The following GPC6 variants were observed in gnomAD, a reference collection of about 807,000 sequenced individuals.
GPC6 encodes the protein glypican-6.
A neutral mutation model predicts 55.2 loss-of-function variants in GPC6; 14 were observed. The observed-to-expected ratio is 0.25, with a 90% CI of 0.17 to 0.40. The LOEUF (loss-of-function observed/expected upper bound fraction) is 0.40, where lower values mean the gene tolerates loss of function less well. Ranked by LOEUF, GPC6 falls within the 10% of genes least tolerant of loss-of-function variation. The pLI is 1.00. For missense variants in GPC6, 641 were observed against 708.5 expected, an observed-to-expected ratio of 0.90 and a Z score of 1.08; for synonymous variants, 278 against 259.6, an observed-to-expected ratio of 1.07 and a Z score of -0.68.
intron 1 of GPC6, among the ~76,000 whole-genome samples, chr13:93,449,623 T>A (rs917327724): frequency 6.6e-6 from 1 of 151,906 alleles, no homozygotes; most frequent in Non-Finnish European, 1.5e-5. Context: ...AGGTCAGGAG[T>A]TCGAAACCAG....
chr13:93,286,300 G>C (rs1878122170), intron 1 of GPC6, among the ~76,000 whole-genome samples: 1 of 152,184 alleles, frequency 6.6e-6, no homozygotes, highest in Non-Finnish European at 1.5e-5. Context: ...ACGATTCAGT[G>C]ATCTCCACCT....
chr13:93,674,550 GA>G (rs1469910921), intron 2 of GPC6, among the ~76,000 whole-genome samples: 1 of 152,176 alleles, frequency 6.6e-6, no homozygotes, highest in African/African-American at 2.4e-5. Flanking sequence ...CATCTTGGGT[GA>G]AATACATTTG....
At chr13:94,103,745 T>C (rs958320031) in intron 4 of GPC6, among the ~76,000 whole-genome samples, 21 of 152,208 alleles carry the variant, frequency 1.4e-4, no homozygotes, top group Non-Finnish European at 1.9e-4. Context: ...TTGATTTTTT[T>C]CTTGTAAATT....
At chr13:94,359,866 T>G (rs1040840697) in intron 6 of GPC6, among the ~76,000 whole-genome samples, 5 of 152,238 alleles carry the variant, frequency 3.3e-5, no homozygotes, top group African/African-American at 1.2e-4. Flanking sequence ...CTTCTCAACC[T>G]TATTCCCAAG....
At chr13:93,858,410 T>A (rs150425175) in intron 3 of GPC6, among the ~76,000 whole-genome samples, 1 of 151,712 alleles carries the variant, frequency 6.6e-6, no homozygotes, top group African/African-American at 2.4e-5. Context: ...GCATCAACAC[T>A]TTATTAATGC....
chr13:93,879,834 C>T (rs1351747826), intron 3 of GPC6, among the ~76,000 whole-genome samples: 2 of 152,042 alleles, frequency 1.3e-5, no homozygotes, highest in East Asian at 3.9e-4. Context: ...GGGCTAATAT[C>T]CAGAATCTAC....
intron 4 of GPC6, among the ~76,000 whole-genome samples, chr13:94,209,322 G>T (rs888982111): frequency 1.3e-5 from 2 of 152,116 alleles, no homozygotes; most frequent in African/African-American, 4.8e-5. Context: ...GCATTATTTA[G>T]GCATGGTTTG....
chr13:94,213,211 G>A (rs1224648116), intron 4 of GPC6, among the ~76,000 whole-genome samples: 1 of 152,086 alleles, frequency 6.6e-6, no homozygotes, highest in Admixed American at 6.6e-5. Flanking sequence ...CAGGATTGGA[G>A]CTGTGCTCTT....
intron 3 of GPC6, among the ~76,000 whole-genome samples, chr13:93,841,188 G>A (rs1887941146): frequency 6.6e-6 from 1 of 152,122 alleles, no homozygotes; most frequent in Admixed American, 6.6e-5. Context: ...GCACTATAGA[G>A]GTTTATGAGC....
At chr13:93,725,915 G>C (rs960406540) in intron 2 of GPC6, among the ~76,000 whole-genome samples, 3 of 151,632 alleles carry the variant, frequency 2.0e-5, no homozygotes, top group African/African-American at 7.3e-5. Context: ...TAAATTTTTG[G>C]CCAATAGAAA....
intron 5 of GPC6, among the ~76,000 whole-genome samples, chr13:94,291,261 G>A (rs1874957079): frequency 6.6e-6 from 1 of 152,024 alleles, no homozygotes; most frequent in Non-Finnish European, 1.5e-5. Context: ...ACTCACATGA[G>A]AGGACACAGG....
At chr13:93,805,330 A>G (rs1886510883) in intron 2 of GPC6, among the ~76,000 whole-genome samples, 1 of 152,200 alleles carries the variant, frequency 6.6e-6, no homozygotes, top group Non-Finnish European at 1.5e-5. Context: ...AGTGCTTTGC[A>G]TACATTACAT....
At chr13:94,366,098 CTG>C (rs1200320272) in intron 6 of GPC6, among the ~76,000 whole-genome samples, 1 of 152,112 alleles carries the variant, frequency 6.6e-6, no homozygotes, top group East Asian at 1.9e-4. Context: ...AACTGAATCA[CTG>C]TGGTATGCCA....
intron 4 of GPC6, among the ~76,000 whole-genome samples, chr13:94,189,389 C>T (rs1460158715): frequency 6.6e-6 from 1 of 152,112 alleles, no homozygotes; most frequent in Non-Finnish European, 1.5e-5. Flanking sequence ...GCCTTTCAAG[C>T]CTGGAAAGAG....
chr13:93,305,399 A>G (rs1878822980), intron 1 of GPC6, among the ~76,000 whole-genome samples: 1 of 152,142 alleles, frequency 6.6e-6, no homozygotes, highest in Non-Finnish European at 1.5e-5. Flanking sequence ...CTGGGACCAC[A>G]AGCAGTAAAT....
intron 2 of GPC6, among the ~76,000 whole-genome samples, chr13:93,639,875 T>C (rs1402929983): frequency 6.6e-6 from 1 of 152,162 alleles, no homozygotes; most frequent in Non-Finnish European, 1.5e-5. Flanking sequence ...ACTGTAATTA[T>C]AAAGGTAGAC....
intron 7 of GPC6, among the ~76,000 whole-genome samples, chr13:94,396,064 G>A (rs1200393490): frequency 1.3e-5 from 2 of 152,184 alleles, no homozygotes; most frequent in East Asian, 3.9e-4. Context: ...GTGTCTTTGG[G>A]TGCCTCTCTG....
At chr13:93,736,900 C>G (rs1176433398) in intron 2 of GPC6, among the ~76,000 whole-genome samples, 3 of 152,042 alleles carry the variant, frequency 2.0e-5, no homozygotes, top group South Asian at 2.1e-4. Context: ...GAGAAATGCC[C>G]ACTTCTGTTA....
rs147931321 is a variant in GPC6, at chr13:94,394,526, T to A, written c.1290-3940T>A. Among the ~76,000 whole-genome samples, 177 of 152,306 alleles carry A rather than the reference T, an allele frequency of 1.2e-3. 2 individuals are homozygous for A. Among genetic ancestry groups the A allele is most frequent in the African/African-American group, 3.1e-3 (130 of 41,576 alleles). On this transcript the variant is annotated intron_variant, in intron 7 of 8. Transcript: ENST00000377047. Reference sequence around the variant, plus strand: ...TGTGGGCTCAAAGACATATCTATTCTTGCAGGACAGGAGTGTTATGTAAAG... The same window carrying A: ...TGTGGGCTCAAAGACATATCTATTCATGCAGGACAGGAGTGTTATGTAAAG...
Sources: allele counts gnomAD v4.1 joint callset (sites outside exome capture counted in the v4.1 genomes callset), GRCh38; gene constraint gnomAD v4.1.1; transcripts MANE v1.5; gene names NCBI Gene and HGNC (gene_info 2026-07-23, HGNC 2026-07-21).